The following DCLK2 variants were observed in gnomAD, a reference collection of about 807,000 sequenced individuals.
DCLK2 encodes the protein doublecortin like kinase 2.
In DCLK2, 31 loss-of-function variants were observed where a neutral mutation model predicts 78.4. The ratio of observed to expected loss-of-function variants is 0.40; its 90% CI spans 0.30 to 0.53. DCLK2 has a LOEUF of 0.53. DCLK2 is among the 20% of genes least tolerant of loss of function. The probability of loss-of-function intolerance (pLI) is 0.61; values close to 1 mark genes in which losing one functional copy is unlikely to be tolerated. For missense variants in DCLK2, 872 were observed against 973.7 expected (o/e 0.90, Z 1.39); for synonymous variants, 407 against 374.9 (o/e 1.09, Z -0.99).
At chr4:150,195,983 G>A (rs1381505184) in intron 3 of DCLK2, among the ~76,000 whole-genome samples, 1 of 152,014 alleles carries the variant, frequency 6.6e-6, no homozygotes, top group African/African-American at 2.4e-5. Flanking sequence ...ACACCATTAT[G>A]TGGTAAAATT....
intron 2 of DCLK2, among the ~76,000 whole-genome samples, chr4:150,167,603 T>C (rs1337211696): frequency 2.6e-5 from 4 of 152,202 alleles, no homozygotes; most frequent in Non-Finnish European, 5.9e-5. Flanking sequence ...AGTAGGTAGC[T>C]AGTCAGGCAT....
chr4:150,154,716 T>C (rs1735136835), intron 2 of DCLK2, among the ~76,000 whole-genome samples: 1 of 152,188 alleles, frequency 6.6e-6, no homozygotes, highest in African/African-American at 2.4e-5. Flanking sequence ...TATTGTTTGA[T>C]TTTTGCCTTT....
chr4:150,129,974 T>C (rs1235461715), intron 2 of DCLK2, among the ~76,000 whole-genome samples: 6 of 152,146 alleles, frequency 3.9e-5, no homozygotes, highest in Non-Finnish European at 5.9e-5. Context: ...CATTATATTG[T>C]ATAATGGTTC....
At chr4:150,190,053 G>GAAAAAAAAAAAAAAAAAAAAAAAAA in intron 2 of DCLK2, among the ~76,000 whole-genome samples, 1 of 12,978 alleles carries the variant, frequency 7.7e-5, no homozygotes, top group African/African-American at 1.9e-4. Context: ...AAAAAAAAAG[G>GAAAAAAAAAAAAAAAAAAAAAAAAA]CCAAGTGTGG....
chr4:150,145,930 A>G (rs777536563), intron 2 of DCLK2, among the ~76,000 whole-genome samples: 3 of 152,240 alleles, frequency 2.0e-5, no homozygotes, highest in African/African-American at 4.8e-5. Context: ...CACAGAAACT[A>G]TCAGTTTCAA....
chr4:150,105,169 AGT>A (rs1478890394), intron 2 of DCLK2, among the ~76,000 whole-genome samples: 4 of 152,186 alleles, frequency 2.6e-5, no homozygotes, highest in African/African-American at 9.6e-5. Flanking sequence ...GTATGTCAAT[AGT>A]TATGTTGAAA....
chr4:150,222,954 T>G (rs1455040847), intron 7 of DCLK2, among the ~76,000 whole-genome samples: 1 of 152,180 alleles, frequency 6.6e-6, no homozygotes, highest in Non-Finnish European at 1.5e-5. Flanking sequence ...ACTCAGAGTC[T>G]TGGTTCAGAT....
At chr4:150,167,297 T>C (rs28501175) in intron 2 of DCLK2, among the ~76,000 whole-genome samples, 23,077 of 152,280 alleles carry the variant, frequency 0.15, 2,169 homozygotes, top group Non-Finnish European at 0.22. Context: ...ACAGACTGTT[T>C]GTGACTACAC....
At chr4:150,202,243 A>G (rs1739510981) in intron 4 of DCLK2, among the ~76,000 whole-genome samples, 1 of 152,178 alleles carries the variant, frequency 6.6e-6, no homozygotes, top group African/African-American at 2.4e-5. Flanking sequence ...TTGAAATTTA[A>G]CTTGATTGAG....
chr4:150,107,576 G>C (rs1021352117), intron 2 of DCLK2, among the ~76,000 whole-genome samples: 9 of 151,600 alleles, frequency 5.9e-5, no homozygotes, highest in African/African-American at 1.9e-4. Context: ...GGGTTTCCCT[G>C]TGTTTCCCAG....
At chr4:150,127,989 G>A (rs554300790) in intron 2 of DCLK2, among the ~76,000 whole-genome samples, 2 of 152,326 alleles carry the variant, frequency 1.3e-5, no homozygotes, top group Admixed American at 1.3e-4. Context: ...GGCTCAGAAG[G>A]AGCTGTGGGT....
intron 1 of DCLK2, among the ~76,000 whole-genome samples, chr4:150,081,537 C>T (rs1452625482): frequency 6.6e-6 from 1 of 151,996 alleles, no homozygotes; most frequent in African/African-American, 2.4e-5. Context: ...TATGACTTTG[C>T]CCACTTCTTT....
chr4:150,102,167 A>C (rs1312191351), intron 1 of DCLK2, among the ~76,000 whole-genome samples: 3 of 152,344 alleles, frequency 2.0e-5, no homozygotes, highest in South Asian at 4.1e-4. Flanking sequence ...TGGTTCATCC[A>C]CTTCAGTTTA....
chr4:150,254,219 G>A lies in DCLK2; in HGVS notation c.2074-1801G>A, dbSNP rs184938214. 5.9e-5 allele frequency among the ~76,000 whole-genome samples: 9 copies of A among 152,208 alleles called. No homozygotes were observed. In the East Asian group the frequency reaches 7.7e-4, roughly 13 times the overall value. On this transcript the variant is annotated intron_variant, in intron 15 of 15. Coordinates refer to ENST00000296550, the MANE Select transcript of DCLK2 (RefSeq NM_001040260.4). ...CTGCGGTGCAGACTTGAGAAGGGACGGATTCAAGGGCATTGCCTTCTTCGC... is the reference window on the plus strand; with the variant it reads ...CTGCGGTGCAGACTTGAGAAGGGACAGATTCAAGGGCATTGCCTTCTTCGC...
At chr4:150,080,151 CA>C (rs1729147961) in intron 1 of DCLK2, among the ~76,000 whole-genome samples, 1 of 148,874 alleles carries the variant, frequency 6.7e-6, no homozygotes, top group Non-Finnish European at 1.5e-5. Flanking sequence ...CCCTGGTTAA[CA>C]ATCACCGTGC....
chr4:150,208,088 A>G (rs1739979529), intron 5 of DCLK2, among the ~76,000 whole-genome samples: 1 of 152,180 alleles, frequency 6.6e-6, no homozygotes, highest in Admixed American at 6.5e-5. Flanking sequence ...CATCAGAGTC[A>G]GATACCAAGT....
At chr4:150,095,593 A>G (rs1730401659) in intron 1 of DCLK2, among the ~76,000 whole-genome samples, 1 of 152,198 alleles carries the variant, frequency 6.6e-6, no homozygotes. Context: ...GTGTGTGTAT[A>G]TAGAGTGTCT....
intron 2 of DCLK2, among the ~76,000 whole-genome samples, chr4:150,176,376 G>A (rs1473528406): frequency 6.6e-6 from 1 of 152,094 alleles, no homozygotes; most frequent in Non-Finnish European, 1.5e-5. Flanking sequence ...CAGGTGCTGG[G>A]TGTCTTCCTA....
intron 12 of DCLK2, among the ~76,000 whole-genome samples, chr4:150,241,077 T>C (rs1205058603): frequency 6.6e-6 from 1 of 152,212 alleles, no homozygotes; most frequent in African/African-American, 2.4e-5. Flanking sequence ...CTCACTCAAT[T>C]AGGCAGCAGT....
Sources: allele counts gnomAD v4.1 joint callset (sites outside exome capture counted in the v4.1 genomes callset), GRCh38; gene constraint gnomAD v4.1.1; transcripts MANE v1.5; gene names NCBI Gene and HGNC (gene_info 2026-07-23, HGNC 2026-07-21).